The following STXBP5L variants were observed in gnomAD, a reference collection of about 807,000 sequenced individuals.
The protein encoded by STXBP5L is syntaxin-binding protein 5-like.
Under a neutral mutation model 144.5 loss-of-function variants are expected in STXBP5L, and 65 were observed. The ratio of observed to expected loss-of-function variants is 0.45; its 90% CI spans 0.37 to 0.55. The LOEUF is 0.55. Ranked by LOEUF, STXBP5L falls within the 20% of genes least tolerant of loss-of-function variation. The pLI is 0.00. For missense variants in STXBP5L, 1,298 were observed against 1,405.5 expected (o/e 0.92, Z 1.22); for synonymous variants, 505 against 469.6 (o/e 1.08, Z -0.97).
chr3:120,927,920 T>C (rs1709722178), intron 2 of STXBP5L, among the ~76,000 whole-genome samples: 1 of 152,170 alleles, frequency 6.6e-6, no homozygotes. Context: ...GTTAATGTTT[T>C]TTACAGTGCT....
At chr3:120,990,401 C>G (rs1442578343) in intron 3 of STXBP5L, among the ~76,000 whole-genome samples, 2 of 152,124 alleles carry the variant, frequency 1.3e-5, no homozygotes, top group East Asian at 3.9e-4. Flanking sequence ...TTTATAGATT[C>G]AATGCCATCC....
At position 121,055,097 on chromosome 3, in the gene STXBP5L, G is replaced by C. The variant is rs77258736; in HGVS notation, c.470+9562G>C. Among the ~76,000 whole-genome samples the C allele has an allele frequency of 7.8e-4, 118 of 152,244 alleles. No homozygotes were observed. In the East Asian group the frequency reaches 0.02, roughly 25 times the overall value. ...AGATTTGAGATAAGTTTTAATCACA[G>C]GAAGTTTGAAAATGTTTTAATGCTT... On this transcript the variant is annotated intron_variant, in intron 5 of 26. Transcript: ENST00000471454.
intron 5 of STXBP5L, among the ~76,000 whole-genome samples, chr3:121,110,074 A>G (rs9855194): frequency 6.6e-6 from 1 of 152,116 alleles, no homozygotes. Flanking sequence ...ATTTTCCCTC[A>G]TCCTTTTATT....
At chr3:120,981,501 G>A (rs1446698799) in intron 3 of STXBP5L, among the ~76,000 whole-genome samples, 1 of 151,686 alleles carries the variant, frequency 6.6e-6, no homozygotes, top group African/African-American at 2.4e-5. Context: ...TCTATATTGT[G>A]GTTCCTTTAA....
chr3:121,090,764 A>G (rs1050124033), intron 5 of STXBP5L, among the ~76,000 whole-genome samples: 3 of 150,088 alleles, frequency 2.0e-5, no homozygotes, highest in Non-Finnish European at 4.5e-5. Flanking sequence ...GATGGTATGA[A>G]TTTTTTTTAT....
At chr3:121,375,990 A>G (rs541341768) in intron 20 of STXBP5L, among the ~76,000 whole-genome samples, 10 of 152,198 alleles carry the variant, frequency 6.6e-5, no homozygotes, top group Non-Finnish European at 1.5e-4. Context: ...CAAGTTTTTA[A>G]GTTCTATCAA....
At chr3:121,210,415 G>A (rs1275207904) in intron 10 of STXBP5L, among the ~76,000 whole-genome samples, 2 of 151,660 alleles carry the variant, frequency 1.3e-5, no homozygotes, top group African/African-American at 4.8e-5. Context: ...CTTTTGCTGT[G>A]CAGAAGCTCT....
At chr3:121,259,829 A>G (rs1225387485) in intron 18 of STXBP5L, among the ~76,000 whole-genome samples, 1 of 151,660 alleles carries the variant, frequency 6.6e-6, no homozygotes, top group Non-Finnish European at 1.5e-5. Context: ...TTAATTGAGA[A>G]ATGAACATTA....
intron 5 of STXBP5L, among the ~76,000 whole-genome samples, chr3:121,056,971 G>A (rs1203641939): frequency 6.7e-6 from 1 of 149,700 alleles, no homozygotes; most frequent in Non-Finnish European, 1.5e-5. Context: ...AAAAAAGCGA[G>A]ACAAAATATA....
chr3:121,412,962 A>AG (rs1354046746), intron 23 of STXBP5L, among the ~76,000 whole-genome samples, 196 bp from the exon 24 acceptor site: 1 of 152,020 alleles, frequency 6.6e-6, no homozygotes, highest in Non-Finnish European at 1.5e-5. Flanking sequence ...TGAACCTGGA[A>AG]GGCAAGATTG....
intron 22 of STXBP5L, among the ~76,000 whole-genome samples, chr3:121,394,327 T>C (rs2046670445): frequency 6.6e-6 from 1 of 152,128 alleles, no homozygotes; most frequent in Non-Finnish European, 1.5e-5. Flanking sequence ...TGAAGGAGTC[T>C]TTAGGGTTTT....
rs778519686 is a variant in STXBP5L at position 121,424,224 on chromosome 3, T to G, written c.*5127T>G. The G allele has an allele frequency of 2.6e-5, 4 of 152,180 alleles. No homozygotes were observed. The highest frequency in any genetic ancestry group is 5.9e-5 in the Non-Finnish European group (4 of 68,026). The allele number at this position is 152,180 out of a possible 1,614,324, so 9.4% of individuals were successfully genotyped here. A position where few individuals can be genotyped will look rare whatever the true frequency, so the allele number is the denominator to read the frequency against. On this transcript the variant is annotated 3_prime_UTR_variant, in exon 27 of 27. Coordinates refer to ENST00000471454, the MANE Select transcript of STXBP5L (RefSeq NM_001308330.2). ...CTTAGCAAAAAGGAAGAACAAATCT[T>G]CCTTTTTGATTGTTATCTCAATCAA... is the stretch of plus-strand genomic sequence containing the variant.
At chr3:121,062,564 G>T (rs748133010) in intron 5 of STXBP5L, among the ~76,000 whole-genome samples, 1 of 152,208 alleles carries the variant, frequency 6.6e-6, no homozygotes, top group Non-Finnish European at 1.5e-5. Context: ...GTCTTGCTAG[G>T]TTGGGGAAGT....
At chr3:121,161,240 C>CTTTTTTTTTTTTTTTT (rs202218213) in intron 9 of STXBP5L, among the ~76,000 whole-genome samples, 2 of 138,976 alleles carry the variant, frequency 1.4e-5, no homozygotes, top group Non-Finnish European at 1.6e-5. Context: ...TTTGCTTTTG[C>CTTTTTTTTTTTTTTTT]TTTTTTTTTT....
chr3:121,059,294 G>A (rs1453958688), intron 5 of STXBP5L, among the ~76,000 whole-genome samples: 3 of 151,972 alleles, frequency 2.0e-5, no homozygotes, highest in African/African-American at 7.2e-5. Context: ...GATGTGTGGT[G>A]TTATTTCTGA....
intron 25 of STXBP5L, among the ~76,000 whole-genome samples, chr3:121,416,778 T>C (rs2047249251): frequency 6.6e-6 from 1 of 152,074 alleles, no homozygotes; most frequent in Admixed American, 6.6e-5. Context: ...GTGCTGGAAT[T>C]ACAGGCATGA....
chr3:121,037,798 G>A (rs552961592), intron 3 of STXBP5L, among the ~76,000 whole-genome samples: 7 of 152,040 alleles, frequency 4.6e-5, no homozygotes, highest in South Asian at 2.1e-4. Flanking sequence ...TTGACCTGGA[G>A]TTTTCTTTGA....
intron 19 of STXBP5L, among the ~76,000 whole-genome samples, chr3:121,286,306 G>A (rs374588645): frequency 2.6e-5 from 4 of 152,134 alleles, no homozygotes; most frequent in Non-Finnish European, 5.9e-5. Flanking sequence ...ATTGTAAAAC[G>A]AACAGAAAGT....
intron 9 of STXBP5L, among the ~76,000 whole-genome samples, chr3:121,202,079 T>C (rs939611944): frequency 4.7e-5 from 7 of 149,192 alleles, no homozygotes; most frequent in Admixed American, 4.6e-4. Flanking sequence ...TTTTGTCCAA[T>C]TTTTTGTTAT....
Sources: allele counts gnomAD v4.1 joint callset (sites outside exome capture counted in the v4.1 genomes callset), GRCh38; gene constraint gnomAD v4.1.1; transcripts MANE v1.5; gene names NCBI Gene and HGNC (gene_info 2026-07-23, HGNC 2026-07-21).